The following AMPH variants were observed in gnomAD, a reference collection of about 807,000 sequenced individuals.
AMPH encodes the protein amphiphysin (Stiff-Mann syndrome with breast cancer 128kD autoantigen).
AMPH carries 49 observed loss-of-function variants against 99.1 expected under a neutral mutation model. The ratio of observed to expected loss-of-function variants is 0.49; its 90% confidence interval spans 0.39 to 0.63. The LOEUF is 0.63. AMPH is among the 20% of genes least tolerant of loss of function. The pLI is 0.00. For synonymous variants in AMPH, 314 were observed against 317.3 expected, an observed-to-expected ratio of 0.99 and a Z score of 0.11; for missense variants, 759 against 863.4, an observed-to-expected ratio of 0.88 and a Z score of 1.52.
chr7:38,535,693 C>T (rs1264836076), intron 1 of AMPH, among the ~76,000 whole-genome samples: 2 of 152,184 alleles, frequency 1.3e-5, no homozygotes, highest in Non-Finnish European at 2.9e-5. Flanking sequence ...TGATGGGAGA[C>T]TGTGACAGAA....
intron 1 of AMPH, among the ~76,000 whole-genome samples, chr7:38,549,524 T>G (rs997604501): frequency 2.0e-5 from 3 of 152,190 alleles, no homozygotes; most frequent in Non-Finnish European, 4.4e-5. Context: ...AAACTGAAAA[T>G]GTGATGAGTT....
At chr7:38,492,685 T>C (rs1224402427) in intron 4 of AMPH, among the ~76,000 whole-genome samples, 1 of 152,196 alleles carries the variant, frequency 6.6e-6, no homozygotes, top group South Asian at 2.1e-4. Flanking sequence ...TATGTTTGCA[T>C]GTGCAACTGA....
intron 17 of AMPH, among the ~76,000 whole-genome samples, chr7:38,407,632 T>TA (rs1785086871): frequency 2.0e-5 from 3 of 151,482 alleles, no homozygotes. Flanking sequence ...AATTTTAAAT[T>TA]AAAAAAATTC....
At chr7:38,538,106 T>C (rs966774759) in intron 1 of AMPH, among the ~76,000 whole-genome samples, 1 of 152,212 alleles carries the variant, frequency 6.6e-6, no homozygotes. Context: ...TTAAATAGTT[T>C]GTTGCTAGAG....
chr7:38,624,552 A>G (rs1392082014), intron 1 of AMPH, among the ~76,000 whole-genome samples: 2 of 151,828 alleles, frequency 1.3e-5, no homozygotes, highest in Non-Finnish European at 2.9e-5. Context: ...ATGGTAAAAA[A>G]AAAAAAAAAA....
intron 3 of AMPH, among the ~76,000 whole-genome samples, chr7:38,496,499 C>G (rs1291686028): frequency 1.3e-5 from 2 of 152,096 alleles, no homozygotes; most frequent in Non-Finnish European, 2.9e-5. Context: ...AGGAAAAAAA[C>G]AGTATGACTC....
intron 2 of AMPH, among the ~76,000 whole-genome samples, chr7:38,522,980 C>T (rs969484942): frequency 4.0e-5 from 6 of 151,682 alleles, no homozygotes; most frequent in African/African-American, 7.3e-5. Context: ...TAGTGGTGGG[C>T]GCCTGTAATC....
At chr7:38,609,594 C>T (rs1488592591) in intron 1 of AMPH, among the ~76,000 whole-genome samples, 1 of 152,112 alleles carries the variant, frequency 6.6e-6, no homozygotes, top group Non-Finnish European at 1.5e-5. Flanking sequence ...CCAAGTGGAC[C>T]GAACCAAGAG....
rs1554336848 is a variant in AMPH at position 38,441,770 on chromosome 7, G to GATATATATCATATATATATC, written c.1018-5383_1018-5382insGATATATATATGATATATAT. ...TATATCATATATATATCATATATAT[G>GATATATATCATATATATATC]ATATATATCATATATCTGTCATATA... On this transcript the variant is annotated intron_variant, in intron 11 of 20. Coordinates refer to ENST00000356264, the MANE Select transcript of AMPH (RefSeq NM_001635.4). 3.5e-3 allele frequency among the ~76,000 whole-genome samples: 303 copies of GATATATATCATATATATATC among 85,822 alleles called. 5 individuals are homozygous for GATATATATCATATATATATC. Among genetic ancestry groups the GATATATATCATATATATATC allele is most frequent in the Middle Eastern group, 0.012 (2 of 170 alleles). 56.3% of individuals were successfully genotyped at this position (85,822 alleles called of 152,430 possible).
chr7:38,441,799 CAT>C lies in AMPH; in HGVS notation c.1018-5413_1018-5412del, dbSNP rs58453033. ...TATATCATATATCTGTCATATATATCATATATATATCATATATATCATATATC... is the reference window on the plus strand; with the variant it reads ...TATATCATATATCTGTCATATATATCATATATATCATATATATCATATATC... On this transcript the variant is annotated intron_variant, in intron 11 of 20. Coordinates refer to ENST00000356264, the MANE Select transcript of AMPH (RefSeq NM_001635.4). Among the ~76,000 whole-genome samples the C allele has an allele frequency of 6.1e-3, 132 of 21,532 alleles. 3 individuals carry two copies. The highest frequency in any genetic ancestry group is 0.014 in the Non-Finnish European group (85 of 6,184). 14.1% of individuals were successfully genotyped at this position (21,532 alleles called of 152,430 possible). A position where few individuals can be genotyped will look rare whatever the true frequency, so the allele number is the denominator to read the frequency against.
chr7:38,503,338 G>A (rs1048212831), intron 3 of AMPH, among the ~76,000 whole-genome samples: 1 of 152,100 alleles, frequency 6.6e-6, no homozygotes, highest in Non-Finnish European at 1.5e-5. Context: ...GAGGTAAGCC[G>A]GCTGCAGCTT....
chr7:38,442,698 T>G (rs1346308783), intron 11 of AMPH, among the ~76,000 whole-genome samples: 1 of 152,098 alleles, frequency 6.6e-6, no homozygotes, highest in African/African-American at 2.4e-5. Context: ...GCTAAAGCAG[T>G]ACTTACGGAA....
chr7:38,580,384 A>G (rs1177686126), intron 1 of AMPH, among the ~76,000 whole-genome samples: 2 of 152,162 alleles, frequency 1.3e-5, no homozygotes, highest in East Asian at 1.9e-4. Flanking sequence ...GCCCTGGGAA[A>G]ACAGAAACTT....
chr7:38,540,918 G>A (rs187546154), intron 1 of AMPH, among the ~76,000 whole-genome samples: 34 of 147,510 alleles, frequency 2.3e-4, no homozygotes, highest in Admixed American at 2.8e-4. Context: ...GGTGACTCAC[G>A]CTTCCTTGAG....
chr7:38,441,159 T>C (rs1786489991), intron 11 of AMPH, among the ~76,000 whole-genome samples: 1 of 152,060 alleles, frequency 6.6e-6, no homozygotes, highest in Non-Finnish European at 1.5e-5. Context: ...TCAAAGAATA[T>C]TGTCATGGAT....
At chr7:38,625,896 G>C (rs1473969313) in intron 1 of AMPH, among the ~76,000 whole-genome samples, 2 of 152,116 alleles carry the variant, frequency 1.3e-5, no homozygotes, top group African/African-American at 4.8e-5. Flanking sequence ...CTTAAGATTT[G>C]TGCACTTTAT....
chr7:38,448,580 T>C (rs936248880), intron 11 of AMPH, among the ~76,000 whole-genome samples: 1 of 152,232 alleles, frequency 6.6e-6, no homozygotes, highest in Non-Finnish European at 1.5e-5. Flanking sequence ...AATGTGAATA[T>C]AGTCTCTCGC....
chr7:38,537,333 A>C (rs1790649373), intron 1 of AMPH, among the ~76,000 whole-genome samples: 1 of 152,212 alleles, frequency 6.6e-6, no homozygotes, highest in Non-Finnish European at 1.5e-5. Context: ...CCAAGGATAC[A>C]CATGGAAATA....
Position 38,389,797 on chromosome 7 carries a change from C to T in AMPH, c.1980+7G>A. 1 of 1,609,618 alleles carries T rather than the reference C, an allele frequency of 6.2e-7. No homozygotes were observed. On this transcript the variant is annotated splice_region_variant and intron_variant, in intron 20 of 20. Coordinates refer to ENST00000356264, the MANE Select transcript of AMPH (RefSeq NM_001635.4). ...AGCCCAAAGCATCTTCCTATCTTTT[C>T]TTTTACCTGATCAGCTTCTGAATCT...
Sources: gnomAD v4.1 joint callset for allele counts (sites outside exome capture counted in the v4.1 genomes callset) on GRCh38, gnomAD v4.1.1 for gene constraint, MANE v1.5 for transcripts, NCBI Gene and HGNC (gene_info 2026-07-23, HGNC 2026-07-21) for gene names.